The following TMEM116 variants were observed in gnomAD, a reference collection of about 807,000 sequenced individuals.
The protein encoded by TMEM116 is transmembrane protein 116.
Under a neutral mutation model 44.3 loss-of-function variants are expected in TMEM116, and 38 were observed. That is an observed-to-expected ratio of 0.86 (90% CI 0.66 to 1.12). The LOEUF (loss-of-function observed/expected upper bound fraction) is 1.12. TMEM116 is among the 50% of genes most tolerant of loss of function. TMEM116 has a pLI of 0.00. For synonymous variants in TMEM116, 132 were observed against 144.8 expected, an observed-to-expected ratio of 0.91 and a Z score of 0.64; for missense variants, 354 against 401.7, an observed-to-expected ratio of 0.88 and a Z score of 1.01.
chr12:111,996,167 T>C (rs925703004), intron 3 of TMEM116, among the ~76,000 whole-genome samples: 1 of 151,684 alleles, frequency 6.6e-6, no homozygotes, highest in Non-Finnish European at 1.5e-5. Flanking sequence ...TAGGGAAAAT[T>C]TTCCTAAACA....
At chr12:111,991,921 G>A in intron 3 of TMEM116, 32 bp from the exon 4 acceptor site, 1 of 1,527,592 alleles carries the variant, frequency 6.5e-7, no homozygotes, top group Non-Finnish European at 8.8e-7. Flanking sequence ...CATTTCATAT[G>A]TGATGTAGCT....
intron 4 of TMEM116, among the ~76,000 whole-genome samples, chr12:111,958,752 TTGAAGATCAAC>T (rs2074353231): frequency 6.6e-6 from 1 of 151,968 alleles, no homozygotes; most frequent in Non-Finnish European, 1.5e-5. Context: ...ATATCAGAGA[TTGAAGATCAAC>T]TGAATGAAAT....
chr12:111,974,833 T>C (rs2075574479), intron 4 of TMEM116, among the ~76,000 whole-genome samples: 1 of 152,010 alleles, frequency 6.6e-6, no homozygotes, highest in African/African-American at 2.4e-5. Flanking sequence ...GACCAATATA[T>C]AAAAATGTAT....
chr12:112,000,944 G>T, intron 3 of TMEM116: 1 of 389,016 alleles, frequency 2.6e-6, no homozygotes, highest in South Asian at 1.9e-5. Flanking sequence ...CACTGACACA[G>T]AGCAGGGCTG....
intron 4 of TMEM116, among the ~76,000 whole-genome samples, chr12:111,982,839 T>C (rs2076020167): frequency 6.6e-6 from 1 of 152,202 alleles, no homozygotes; most frequent in African/African-American, 2.4e-5. Flanking sequence ...AATGCTCCAA[T>C]ACAGAACCAA....
At chr12:111,950,048 G>A (rs368260445) in intron 4 of TMEM116, among the ~76,000 whole-genome samples, 1 of 152,154 alleles carries the variant, frequency 6.6e-6, no homozygotes, top group Non-Finnish European at 1.5e-5. Context: ...CTGGAAGGCA[G>A]AGGTTTCAGT....
At chr12:111,958,177 T>C (rs977634036) in intron 4 of TMEM116, among the ~76,000 whole-genome samples, 3 of 149,008 alleles carry the variant, frequency 2.0e-5, no homozygotes, top group African/African-American at 7.5e-5. Context: ...ACCAGAGACC[T>C]TTGTTCACAA....
chr12:111,961,948 A>G (rs1384719357), intron 4 of TMEM116, among the ~76,000 whole-genome samples: 1 of 152,218 alleles, frequency 6.6e-6, no homozygotes, highest in Non-Finnish European at 1.5e-5. Flanking sequence ...AATCTCCTTA[A>G]GCTGATAAGC....
At chr12:111,939,145 A>G (rs7975437) in intron 5 of TMEM116, among the ~76,000 whole-genome samples, 29,795 of 152,028 alleles carry the variant, frequency 0.2, 3,134 homozygotes, top group Middle Eastern at 0.27. Context: ...CTGGGTACCA[A>G]TGAATCTCTG....
intron 1 of TMEM116, 64 bp from the exon 2 acceptor site, chr12:112,005,367 C>A (rs958372970): frequency 9.1e-7 from 1 of 1,101,168 alleles, no homozygotes; most frequent in African/African-American, 1.6e-5. Context: ...AACCTAAGTT[C>A]ATTATTAACT....
At chr12:111,993,719 T>C in intron 3 of TMEM116, 1 of 640,518 alleles carries the variant, frequency 1.6e-6, no homozygotes, top group Admixed American at 1.9e-5. Flanking sequence ...TTGTACAAGT[T>C]TGTGGTTCGG....
intron 4 of TMEM116, among the ~76,000 whole-genome samples, chr12:111,972,056 C>T (rs1408840488): frequency 1.7e-5 from 2 of 117,766 alleles, no homozygotes; most frequent in South Asian, 2.8e-4. Flanking sequence ...GCCTAGGTGA[C>T]AGAATGACAC....
intron 3 of TMEM116, chr12:111,993,962 A>C (rs2076776345): frequency 6.5e-6 from 4 of 612,920 alleles, no homozygotes; most frequent in Admixed American, 3.8e-5. Context: ...ACTGCACTAC[A>C]GTAGTTTATC....
chr12:111,970,330 T>C (rs935492436), intron 4 of TMEM116, among the ~76,000 whole-genome samples: 3 of 146,652 alleles, frequency 2.0e-5, no homozygotes, highest in African/African-American at 7.5e-5. Flanking sequence ...ATGGAAAACA[T>C]GGGGGAAAAA....
intron 4 of TMEM116, among the ~76,000 whole-genome samples, chr12:111,990,775 A>G (rs1449564327): frequency 6.6e-6 from 1 of 152,252 alleles, no homozygotes; most frequent in African/African-American, 2.4e-5. Flanking sequence ...TATACAATCC[A>G]TATATGATTA....
At chr12:111,981,064 CAAA>C (rs147175860) in intron 4 of TMEM116, among the ~76,000 whole-genome samples, 7 of 110,722 alleles carry the variant, frequency 6.3e-5, no homozygotes, top group Admixed American at 9.1e-5. Context: ...GACACTGTCT[CAAA>C]AAAAAAAAAA....
intron 4 of TMEM116, among the ~76,000 whole-genome samples, chr12:111,977,532 G>A (rs2075735651): frequency 6.6e-6 from 1 of 152,052 alleles, no homozygotes; most frequent in African/African-American, 2.4e-5. Context: ...CTATCACCAA[G>A]TAGACCTATT....
intron 5 of TMEM116, among the ~76,000 whole-genome samples, chr12:111,940,528 T>C: frequency 1.8e-5 from 2 of 112,198 alleles, no homozygotes; most frequent in Middle Eastern, 4.5e-3. Context: ...TATGTGTATA[T>C]ATATATATAT....
chr12:111,963,644 C>T (rs2074769460), intron 4 of TMEM116, among the ~76,000 whole-genome samples: 2 of 151,978 alleles, frequency 1.3e-5, no homozygotes, highest in South Asian at 2.1e-4. Flanking sequence ...GGGAGGGGAA[C>T]ATCACACACC....
Sources: allele counts gnomAD v4.1 joint callset (sites outside exome capture counted in the v4.1 genomes callset), GRCh38; gene constraint gnomAD v4.1.1; transcripts MANE v1.5; gene names NCBI Gene and HGNC (gene_info 2026-07-23, HGNC 2026-07-21).